The following TMC4 variants were observed in gnomAD, a reference collection of about 807,000 sequenced individuals.
The protein encoded by TMC4 is transmembrane channel like 4, also known as voltage-gated chloride channel TMC4.
Under a neutral mutation model 82.0 loss-of-function variants are expected in TMC4, and 70 were observed. The observed-to-expected ratio is 0.85, with a 90% CI of 0.70 to 1.04. The LOEUF is 1.04. Ranked by LOEUF, TMC4 falls within the 50% of genes least tolerant of loss-of-function variation. The pLI, the probability that TMC4 is intolerant of heterozygous loss-of-function variation, is 0.00. For synonymous variants in TMC4, 446 were observed against 406.0 expected (o/e 1.10, Z -1.18); for missense variants, 879 against 899.0 (o/e 0.98, Z 0.28).
chr19:54,171,999 GCCC>G lies in TMC4; in HGVS notation c.161_163del (p.Gly54del), dbSNP rs140898828. The G allele has an allele frequency of 5.6e-3, 8,963 of 1,612,662 alleles. 272 individuals are homozygous for G. In the East Asian group the frequency reaches 0.095, roughly 17 times the overall value. On this transcript the variant is annotated inframe_deletion, in exon 2 of 15. Transcript: ENST00000619895. ...TCCATCCTCCTCCTCCTCCTCCAGC[GCCC>G]CCCAAGGCAGCACCCCAGGGTCTCG...
At chr19:54,171,728 CAA>C (rs2075893556) in intron 2 of TMC4, 140 bp downstream of exon 2, 2 of 688,572 alleles carry the variant, frequency 2.9e-6, no homozygotes, top group Non-Finnish European at 4.5e-6. Context: ...AGAAAGAAAC[CAA>C]GAGAGGCAGC....
intron 8 of TMC4, among the ~76,000 whole-genome samples, chr19:54,163,464 C>T (rs1358148445): frequency 1.3e-5 from 2 of 151,864 alleles, no homozygotes; most frequent in African/African-American, 4.8e-5. Flanking sequence ...AAGCCACTAC[C>T]GCCGGGCTAA....
chr19:54,164,583 C>G lies in TMC4; in HGVS notation c.964G>C (p.Val322Leu). 1 of 1,613,548 alleles carries G rather than the reference C, an allele frequency of 6.2e-7. No homozygotes were observed. Among genetic ancestry groups the G allele is most frequent in the Non-Finnish European group, 8.5e-7 (1 of 1,180,000 alleles). Residue 322 changes from valine to leucine, a missense_variant, in exon 7 of 15, where the codon GTG becomes CTG. Transcript: ENST00000619895. ...CGCACCGCAGCCTGGCGCCGCACCA[C>G]TGTCTCCTCCAGCTCCACCTGAAGG... ...YELKVELEET[V>L]VRRQAAVRTL...
intron 5 of TMC4, among the ~76,000 whole-genome samples, chr19:54,166,765 C>A (rs2075715465): frequency 6.6e-6 from 1 of 152,066 alleles, no homozygotes; most frequent in Non-Finnish European, 1.5e-5. Context: ...ACCAGCCTGA[C>A]AAACATGGTG....
Position 54,172,012 on chromosome 19 carries a change from G to A in TMC4, c.151C>T (p.Leu51=). 1 of 1,613,212 alleles carries A rather than the reference G, an allele frequency of 6.2e-7. No homozygotes were observed. Among genetic ancestry groups the A allele is most frequent in the South Asian group, 1.1e-5 (1 of 90,982 alleles). Residue 51 remains leucine (L), a synonymous_variant, in exon 2 of 15, where the codon CTG becomes TTG. Transcript: ENST00000619895. ...TCCTCCTCCAGCGCCCCCCAAGGCAGCACCCCAGGGTCTCGGTACCGAAGG... is the reference window on the plus strand; with the variant it reads ...TCCTCCTCCAGCGCCCCCCAAGGCAACACCCCAGGGTCTCGGTACCGAAGG... The part of the protein sequence containing the change: ...ATLRYRDPGV[L]PWGALEEEEE...
Position 54,171,851 on chromosome 19 carries a change from G to T in TMC4, c.293+19C>A. ...CCCGGTCCGGGCTGTGCGGGTCCCA[G>T]CTGGAGGTGGGGCCTCACCTGTGTG... is the stretch of plus-strand genomic sequence containing the variant. On this transcript the variant is annotated intron_variant, in intron 2 of 14. Transcript: ENST00000619895. 6.3e-7 allele frequency: 1 copy of T among 1,576,932 alleles called. No individual in the cohort carries two copies. The highest frequency in any genetic ancestry group is 2.3e-5 in the East Asian group (1 of 43,802).
At chr19:54,168,867 CTTTTCTTTTCTTTTCT>C (rs1446223512) in intron 3 of TMC4, among the ~76,000 whole-genome samples, 187 bp from the exon 4 acceptor site, 1 of 30,526 alleles carries the variant, frequency 3.3e-5, no homozygotes, top group South Asian at 7.9e-4. Flanking sequence ...CTTTTCTTTT[CTTTTCTTTTCTTTTCT>C]TTTCTTTCTT....
At chr19:54,166,835 C>A (rs888241201) in intron 5 of TMC4, among the ~76,000 whole-genome samples, 1 of 152,144 alleles carries the variant, frequency 6.6e-6, no homozygotes, top group African/African-American at 2.4e-5. Context: ...TGCCTGTAAT[C>A]CCAGCTACTT....
chr19:54,163,940 C>T, intron 7 of TMC4, 53 bp from the exon 8 acceptor site: 1 of 1,575,370 alleles, frequency 6.3e-7, no homozygotes, highest in East Asian at 2.3e-5. Context: ...AGGAGCCAAG[C>T]TTAAGGTCCT....
Position 54,163,111 on chromosome 19 carries a change from G to A in TMC4, c.1326C>T (p.Leu442=). 6.2e-7 allele frequency: 1 copy of A among 1,613,992 alleles called. No homozygotes were observed. The highest frequency in any genetic ancestry group is 8.5e-7 in the Non-Finnish European group (1 of 1,179,998). The change falls in exon 9 of 15, where the codon CTC becomes CTT. Residue 442 remains leucine (L), a synonymous_variant. Coordinates refer to ENST00000619895, the MANE Select transcript of TMC4 (RefSeq NM_144686.4). ...CGCCCCCACAAGTGATCTGATTCCA[G>A]AGAGAGAAGAGCAGGACCACCAGGG... ...LASLVVLLFS[L]WNQITCGGDS...
intron 12 of TMC4, 26 bp from the exon 13 acceptor site, chr19:54,161,059 C>G: frequency 6.2e-7 from 1 of 1,613,540 alleles, no homozygotes; most frequent in Non-Finnish European, 8.5e-7. Flanking sequence ...GCTGGGCTCA[C>G]ATAGTGCCAG....
rs2438051 is a variant in TMC4, at chr19:54,168,643, C to A, written c.480G>T (p.Leu160=). 6.3e-7 allele frequency: 1 copy of A among 1,583,324 alleles called. No homozygotes were observed. The highest frequency in any genetic ancestry group is 1.3e-5 in the African/African-American group (1 of 74,156). ...FGAGTESYFS[L]LRFLLLLNVL... The stretch of plus-strand genomic sequence containing the variant: ...CGTTAAGAAGGAGCAGGAAGCGCAG[C>A]AGGGAGAAGTAGGACTCCGTGCCGG... Residue 160 remains leucine (L), a synonymous_variant, in exon 4 of 15, where the codon CTG becomes CTT. Coordinates refer to ENST00000619895, the MANE Select transcript of TMC4 (RefSeq NM_144686.4).
At chr19:54,162,518 A>T (rs2075589472) in intron 10 of TMC4, among the ~76,000 whole-genome samples, 155 bp downstream of exon 10, 1 of 151,834 alleles carries the variant, frequency 6.6e-6, no homozygotes, top group African/African-American at 2.4e-5. Context: ...CCACTAAAAC[A>T]AGGGCGGGGA....
At position 54,171,950 on chromosome 19, in the gene TMC4, T is replaced by G; in HGVS notation, c.213A>C (p.Thr71=). 1 of 1,613,762 alleles carries G rather than the reference T, an allele frequency of 6.2e-7. No homozygotes were observed. The highest frequency in any genetic ancestry group is 8.5e-7 in the Non-Finnish European group (1 of 1,179,820). ...CCTGCAGCTCTGTCTGGGTGACTTC[T>G]GTGAAGGCCTTTCTGCTCCTTCCTC... ...EDGGRSRKAF[T]EVTQTELQDP... Residue 71 remains threonine (T), a synonymous_variant, in exon 2 of 15, where the codon ACA becomes ACC. Transcript: ENST00000619895.
At position 54,163,166 on chromosome 19, in the gene TMC4, G is replaced by C. The variant is rs751656634; in HGVS notation, c.1278-7C>G. ...GAGGCGAAGAAACACGGTCCTGAAG[G>C]GGGGAAGGCAGAGAATGGGCCCTGA... On this transcript the variant is annotated splice_region_variant and splice_polypyrimidine_tract_variant and intron_variant, in intron 8 of 14. Coordinates refer to ENST00000619895, the MANE Select transcript of TMC4 (RefSeq NM_144686.4). The C allele has an allele frequency of 6.2e-6, 10 of 1,613,578 alleles. No homozygotes were observed. The highest frequency in any genetic ancestry group is 5.4e-5 in the African/African-American group (4 of 74,688).
chr19:54,165,698 G>T, intron 5 of TMC4, 132 bp from the exon 6 acceptor site: 1 of 1,014,516 alleles, frequency 9.9e-7, no homozygotes, highest in Non-Finnish European at 1.4e-6. Flanking sequence ...GTTCCCACCA[G>T]ACCAGATGGG....
intron 13 of TMC4, 68 bp downstream of exon 13, chr19:54,160,810 T>C: frequency 6.3e-7 from 1 of 1,577,574 alleles, no homozygotes; most frequent in Non-Finnish European, 8.6e-7. Context: ...TCTCCTCTCT[T>C]GGACGCAGGT....
chr19:54,166,103 G>C (rs558409809), intron 5 of TMC4, among the ~76,000 whole-genome samples: 5 of 151,856 alleles, frequency 3.3e-5, no homozygotes, highest in Admixed American at 2.0e-4. Flanking sequence ...GGCAGGCCAG[G>C]CGCCATGGCT....
In TMC4 at chr19:54,160,921, G is replaced by A. The variant is rs1469363254; in HGVS notation, c.1930C>T (p.Leu644=). The A allele has an allele frequency of 6.2e-7, 1 of 1,614,004 alleles. No homozygotes were observed. The highest frequency in any genetic ancestry group is 2.2e-5 in the East Asian group (1 of 44,888). Residue 644 remains leucine, a synonymous_variant, in exon 13 of 15, where the codon CTG becomes TTG. Transcript: ENST00000619895. ...GGCACAGCAAAAGCCTGGGTCCCCA[G>A]GAAGAAGAGGAAATTCTGGGTGGTC... ...PETTQNFLFF[L]GTQAFAVPLL...
Sources: gnomAD v4.1 joint callset for allele counts (sites outside exome capture counted in the v4.1 genomes callset) on GRCh38, gnomAD v4.1.1 for gene constraint, MANE v1.5 for transcripts, NCBI Gene and HGNC (gene_info 2026-07-23, HGNC 2026-07-21) for gene names.